The following KANK4 variants were observed in gnomAD, a reference collection of about 807,000 sequenced individuals.
KANK4 encodes the protein KN motif and ankyrin repeat domains 4, also known as KN motif and ankyrin repeat domain-containing protein 4.
Under a neutral mutation model 80.8 loss-of-function variants are expected in KANK4, and 50 were observed. The ratio of observed to expected loss-of-function variants is 0.62; its 90% CI spans 0.49 to 0.78. KANK4 has a LOEUF of 0.78. Among genes scored for constraint, KANK4 ranks in the 30% least tolerant of loss-of-function variants. The pLI is 0.00. For missense variants in KANK4, 1,196 were observed against 1,240.1 expected (o/e 0.96, Z 0.53); for synonymous variants, 465 against 506.9 (o/e 0.92, Z 1.11).
Position 62,274,057 on chromosome 1 carries a change from G to C in KANK4, c.1047C>G (p.Val349=). Residue 349 remains valine (V), a synonymous_variant, in exon 3 of 10, where the codon GTC becomes GTG. Transcript: ENST00000371153. The part of the protein sequence containing the change: ...PGSISSLKQQ[V]SALEGELSGR... ...CAGACAACTCTCCCTCCAGGGCCGA[G>C]ACCTGCTGTTTCAGGCTGGAGATGC... 1 of 1,614,194 alleles carries C rather than the reference G, an allele frequency of 6.2e-7. No individual in the cohort carries two copies. The highest frequency in any genetic ancestry group is 8.5e-7 in the Non-Finnish European group (1 of 1,180,036).
chr1:62,244,285 T>TC (rs1671415780), intron 9 of KANK4, among the ~76,000 whole-genome samples: 1 of 152,000 alleles, frequency 6.6e-6, no homozygotes, highest in African/African-American at 2.4e-5. Flanking sequence ...AGCTTCATCT[T>TC]CCCGGGCTCA....
intron 7 of KANK4, among the ~76,000 whole-genome samples, chr1:62,254,677 C>A (rs1340429108): frequency 6.6e-6 from 1 of 151,948 alleles, no homozygotes; most frequent in Non-Finnish European, 1.5e-5. Context: ...CCTCAGCCTC[C>A]TGAGTAGCTA....
intron 1 of KANK4, among the ~76,000 whole-genome samples, chr1:62,315,820 C>T (rs59177306): frequency 0.06 from 9,082 of 152,200 alleles, 933 homozygotes; most frequent in African/African-American, 0.2. Flanking sequence ...CCATACCTAC[C>T]GAAGTGCAGG....
intron 7 of KANK4, among the ~76,000 whole-genome samples, chr1:62,256,565 C>G (rs1185976827): frequency 6.6e-6 from 1 of 151,926 alleles, no homozygotes; most frequent in Non-Finnish European, 1.5e-5. Flanking sequence ...GTAGTTTTAG[C>G]AGAGATGGGG....
At chr1:62,297,264 T>C (rs961428106) in intron 1 of KANK4, among the ~76,000 whole-genome samples, 5 of 148,022 alleles carry the variant, frequency 3.4e-5, no homozygotes, top group African/African-American at 1.3e-4. Flanking sequence ...AAAATACTAG[T>C]AAATACTTAC....
chr1:62,273,116 A>T, intron 3 of KANK4, 88 bp downstream of exon 3: 2 of 940,746 alleles, frequency 2.1e-6, no homozygotes, highest in Non-Finnish European at 3.1e-6. Context: ...AAAACATGTT[A>T]ATATAATTGA....
chr1:62,294,073 T>A (rs775701636), intron 1 of KANK4, among the ~76,000 whole-genome samples: 3 of 152,248 alleles, frequency 2.0e-5, no homozygotes, highest in Non-Finnish European at 4.4e-5. Context: ...ACTCTATTAA[T>A]TTACATTACT....
intron 5 of KANK4, among the ~76,000 whole-genome samples, chr1:62,267,709 G>T (rs1218657043): frequency 6.6e-6 from 1 of 151,802 alleles, no homozygotes; most frequent in Admixed American, 6.6e-5. Context: ...GACTGAGGCA[G>T]GAGACTCACT....
intron 1 of KANK4, among the ~76,000 whole-genome samples, chr1:62,306,996 C>T (rs1165860846): frequency 6.6e-6 from 1 of 151,970 alleles, no homozygotes; most frequent in Non-Finnish European, 1.5e-5. Flanking sequence ...AAATATTGGC[C>T]AAGGGTGGGT....
At chr1:62,275,191 G>A in intron 2 of KANK4, 104 bp from the exon 3 acceptor site, 1 of 852,352 alleles carries the variant, frequency 1.2e-6, no homozygotes, top group Non-Finnish European at 1.8e-6. Context: ...GCTGTCACTT[G>A]AGACTTCTTC....
chr1:62,271,389 G>A, intron 4 of KANK4, 89 bp downstream of exon 4: 1 of 872,054 alleles, frequency 1.1e-6, no homozygotes, highest in Non-Finnish European at 1.9e-6. Flanking sequence ...ATGAAAACCA[G>A]ATGCCTCCCC....
chr1:62,246,270 G>A (rs1046708128), intron 9 of KANK4, among the ~76,000 whole-genome samples: 1 of 152,192 alleles, frequency 6.6e-6, no homozygotes, highest in Non-Finnish European at 1.5e-5. Context: ...GTGACTGACA[G>A]TGCAACTTCA....
At chr1:62,298,815 A>C (rs1314689284) in intron 1 of KANK4, among the ~76,000 whole-genome samples, 1 of 152,150 alleles carries the variant, frequency 6.6e-6, no homozygotes, top group African/African-American at 2.4e-5. Flanking sequence ...AGTGCCCAAT[A>C]AAAGTCAGTT....
intron 1 of KANK4, among the ~76,000 whole-genome samples, chr1:62,285,840 C>G (rs1381668879): frequency 6.6e-6 from 1 of 152,030 alleles, no homozygotes; most frequent in African/African-American, 2.4e-5. Flanking sequence ...ATGATGAGAG[C>G]TTCCTCTTTC....
In KANK4 at chr1:62,274,715, T is replaced by G; in HGVS notation, c.389A>C (p.Lys130Thr). The G allele has an allele frequency of 6.2e-7, 1 of 1,614,206 alleles. No individual in the cohort carries two copies. Among genetic ancestry groups the G allele is most frequent in the Non-Finnish European group, 8.5e-7 (1 of 1,180,040 alleles). ...TCTGGTGGCCTCTGCCAACAGAGCC[T>G]TCCTGTGGTAGCTCACCTCACTCCT... The part of the protein sequence containing the change: ...TSRSEVSYHR[K>T]ALLAEATRQL... The change falls in exon 3 of 10, where the codon AAG becomes ACG. Residue 130 changes from lysine to threonine, a missense_variant. Physicochemically the swap from Lys to Thr is moderately conservative, Grantham distance 78. Coordinates refer to ENST00000371153, the MANE Select transcript of KANK4 (RefSeq NM_181712.5).
rs114173840 is a variant in KANK4, at chr1:62,304,540, C to T, written c.-71+14566G>A. 7.8e-3 allele frequency among the ~76,000 whole-genome samples: 1,179 copies of T among 152,016 alleles called. 7 individuals carry two copies. The highest frequency in any genetic ancestry group is 0.027 in the African/African-American group (1,117 of 41,514). On this transcript the variant is annotated intron_variant, in intron 1 of 9. Transcript: ENST00000371153. ...CTAGCTCTGCACTGGGCCTTAACTT[C>T]CCCAGCTCCTGTCTGCCCCCTCCAC...
At chr1:62,256,761 C>T (rs1298813921) in intron 7 of KANK4, among the ~76,000 whole-genome samples, 2 of 152,166 alleles carry the variant, frequency 1.3e-5, no homozygotes, top group Non-Finnish European at 2.9e-5. Flanking sequence ...AGGCATCAGT[C>T]TGTCTCATTT....
intron 7 of KANK4, among the ~76,000 whole-genome samples, chr1:62,254,880 A>ATTTTT (rs3066333): frequency 7.6e-5 from 5 of 65,730 alleles, no homozygotes; most frequent in Admixed American, 2.4e-4. Context: ...TAAACCTGGT[A>ATTTTT]TTTTTTTTTT....
At chr1:62,276,498 G>A (rs751065898) in intron 2 of KANK4, among the ~76,000 whole-genome samples, 1 of 152,082 alleles carries the variant, frequency 6.6e-6, no homozygotes, top group Non-Finnish European at 1.5e-5. Context: ...GAGGACGGTC[G>A]GGTGCGGTGG....
Sources: allele counts gnomAD v4.1 joint callset (sites outside exome capture counted in the v4.1 genomes callset), GRCh38; gene constraint gnomAD v4.1.1; transcripts MANE v1.5; gene names NCBI Gene and HGNC (gene_info 2026-07-23, HGNC 2026-07-21).